MYBPC1: variants seen among roughly 807,000 people sequenced by gnomAD.
MYBPC1 encodes the protein myosin-binding protein C, slow-type.
A neutral mutation model predicts 147.1 loss-of-function variants in MYBPC1; 52 were observed. The ratio of observed to expected loss-of-function variants is 0.35; its 90% confidence interval spans 0.28 to 0.45. The LOEUF (loss-of-function observed/expected upper bound fraction) is 0.45. Ranked by LOEUF, MYBPC1 falls within the 20% of genes least tolerant of loss-of-function variation. The pLI is 1.00. For missense variants in MYBPC1, 1,228 were observed against 1,440.3 expected (o/e 0.85, Z 2.39); for synonymous variants, 477 against 475.9 (o/e 1.00, Z -0.03).
At chr12:101,666,908 C>T (rs983942140) in intron 22 of MYBPC1, 3 of 583,558 alleles carry the variant, frequency 5.1e-6, no homozygotes, top group Non-Finnish European at 9.5e-6. Flanking sequence ...CACACACACA[C>T]ACACACACAC....
Position 101,632,006 on chromosome 12 carries a change from T to C in MYBPC1, c.439-15T>C, listed in dbSNP as rs1476921971. 6.4e-7 allele frequency: 1 copy of C among 1,561,182 alleles called. No homozygotes were observed. ...ATAAACTGAAATGTGTGTGTCTGGA[T>C]GCATTTCATTGCAGGTGTACACATT... is the stretch of plus-strand genomic sequence containing the variant. On this transcript the variant is annotated splice_polypyrimidine_tract_variant and intron_variant, in intron 7 of 31. Coordinates refer to ENST00000361466, the MANE Select transcript of MYBPC1 (RefSeq NM_002465.4).
intron 2 of MYBPC1, chr12:101,614,740 G>A (rs1885430459): frequency 1.6e-6 from 1 of 609,876 alleles, no homozygotes; most frequent in East Asian, 2.8e-5. Flanking sequence ...AATTTGGATG[G>A]CACTTCATAT....
intron 1 of MYBPC1, among the ~76,000 whole-genome samples, chr12:101,595,737 T>C (rs907687698): frequency 1.3e-5 from 2 of 152,248 alleles, no homozygotes; most frequent in South Asian, 2.1e-4. Context: ...AGTTTTATTG[T>C]AGAGAATTTC....
At chr12:101,621,785 C>T (rs1039165973) in intron 3 of MYBPC1, among the ~76,000 whole-genome samples, 1 of 150,586 alleles carries the variant, frequency 6.6e-6, no homozygotes, top group African/African-American at 2.4e-5. Context: ...AGAATGTACA[C>T]ATTCTACTAT....
chr12:101,648,893 G>A (rs749894895), intron 14 of MYBPC1, among the ~76,000 whole-genome samples: 3 of 152,230 alleles, frequency 2.0e-5, no homozygotes, highest in Non-Finnish European at 2.9e-5. Context: ...AATTGGTACA[G>A]TGTAGATTGT....
chr12:101,619,366 C>T (rs531731609), intron 3 of MYBPC1, among the ~76,000 whole-genome samples: 1 of 152,258 alleles, frequency 6.6e-6, no homozygotes, highest in South Asian at 2.1e-4. Context: ...TCACTCTTGT[C>T]TCCACATAAT....
Position 101,629,557 on chromosome 12 carries a change from C to A in MYBPC1, c.289+13C>A. 6.4e-7 allele frequency: 1 copy of A among 1,570,296 alleles called. No homozygotes were observed. Among genetic ancestry groups the A allele is most frequent in the Non-Finnish European group, 8.8e-7 (1 of 1,140,634 alleles). On this transcript the variant is annotated intron_variant, in intron 6 of 31. Coordinates refer to ENST00000361466, the MANE Select transcript of MYBPC1 (RefSeq NM_002465.4). ...ACAGTGAAAGTTGGTGAGTGCCTAG[C>A]ATTCAATCCTTCCTTTTTTAAAAAA...
chr12:101,610,716 C>T (rs186669481), intron 1 of MYBPC1, among the ~76,000 whole-genome samples: 2 of 152,280 alleles, frequency 1.3e-5, no homozygotes, highest in African/African-American at 4.8e-5. Context: ...GGGAGGGCAA[C>T]ATCCATATGA....
At chr12:101,667,677 T>A (rs1330260178) in intron 22 of MYBPC1, 55 bp from the exon 23 acceptor site, 2 of 1,597,498 alleles carry the variant, frequency 1.3e-6, no homozygotes, top group Non-Finnish European at 1.7e-6. Context: ...GTTAAGATGA[T>A]TTTTTTCACT....
At chr12:101,662,955 C>G (rs1438394031) in intron 21 of MYBPC1, among the ~76,000 whole-genome samples, 1 of 152,082 alleles carries the variant, frequency 6.6e-6, no homozygotes, top group East Asian at 1.9e-4. Flanking sequence ...CACTTGGAAA[C>G]TGGTTTCTTT....
intron 20 of MYBPC1, 118 bp from the exon 21 acceptor site, chr12:101,662,240 A>G (rs1387699636): frequency 1.4e-5 from 11 of 806,510 alleles, no homozygotes; most frequent in South Asian, 3.1e-5. Flanking sequence ...ACATACATAT[A>G]TGACTATTTC....
Position 101,631,571 on chromosome 12 carries a change from G to A in MYBPC1, c.290G>A (p.Gly97Asp), listed in dbSNP as rs1565924470. 2 of 1,613,860 alleles carry A rather than the reference G, an allele frequency of 1.2e-6. No homozygotes were observed. Among genetic ancestry groups the A allele is most frequent in the Non-Finnish European group, 1.7e-6 (2 of 1,179,868 alleles). Reference protein sequence around the residue: ...EKPQGGTVKVGEDITFIAKVK... With the variant: ...EKPQGGTVKVDEDITFIAKVK... ...GCTGAATCCCTTATGCTTCTTCTAG[G>A]TGAAGATATCACCTTCATAGCCAAA... is the stretch of plus-strand genomic sequence containing the variant. Residue 97 changes from glycine to aspartate, a missense_variant and splice_region_variant, in exon 7 of 32, where the codon GGT becomes GAT. Physicochemically the swap from Gly to Asp is moderately conservative, Grantham distance 94. Around this residue, in one of 2 missense-constraint regions of MYBPC1, gnomAD observed 151 missense variants for 126.1 expected, o/e 1.20. Coordinates refer to ENST00000361466, the MANE Select transcript of MYBPC1 (RefSeq NM_002465.4).
At position 101,646,069 on chromosome 12, in the gene MYBPC1, C is replaced by T. The variant is rs1308876637; in HGVS notation, c.966-694C>T. On this transcript the variant is annotated intron_variant, in intron 12 of 31. Coordinates refer to ENST00000361466, the MANE Select transcript of MYBPC1 (RefSeq NM_002465.4). ...ATGGATAAGATCAAGTCTCTACCCA[C>T]CTATAAAGTACATGAATTGGTTAGT... Among the ~76,000 whole-genome samples, 3 of 152,094 alleles carry T rather than the reference C, an allele frequency of 2.0e-5. No individual in the cohort carries two copies. In the East Asian group the frequency reaches 5.8e-4, roughly 29 times the overall value.
intron 18 of MYBPC1, among the ~76,000 whole-genome samples, chr12:101,657,508 G>C (rs1016685907): frequency 6.6e-6 from 1 of 152,098 alleles, no homozygotes; most frequent in African/African-American, 2.4e-5. Context: ...ATGAAAGAGG[G>C]ACATTACTAC....
intron 2 of MYBPC1, among the ~76,000 whole-genome samples, chr12:101,616,933 T>C (rs989219266): frequency 1.3e-5 from 2 of 152,210 alleles, no homozygotes; most frequent in Admixed American, 1.3e-4. Context: ...CCAAGTATAG[T>C]TGAGTGCATT....
chr12:101,614,332 G>C (rs1029841892), intron 1 of MYBPC1, among the ~76,000 whole-genome samples, 164 bp from the exon 2 acceptor site: 1 of 152,118 alleles, frequency 6.6e-6, no homozygotes, highest in African/African-American at 2.4e-5. Context: ...GTGTGAGAGA[G>C]AGAGAGAGAG....
rs962860939 is a variant in MYBPC1 at position 101,614,379 on chromosome 12, T to C, written c.26-117T>C. On this transcript the variant is annotated intron_variant, in intron 1 of 31. Coordinates refer to ENST00000361466, the MANE Select transcript of MYBPC1 (RefSeq NM_002465.4). ...AATGTGTTTCCCTCCTCCATCCCTC[T>C]TGTGAGTACACACAGGTGAGATGGC... The C allele has an allele frequency of 5.8e-6, 6 of 1,041,200 alleles. No individual in the cohort carries two copies. The African/African-American group carries it at 9.4e-5, about 16-fold the overall frequency. The allele number at this position is 1,041,200 out of a possible 1,614,324, so 64.5% of individuals were successfully genotyped here.
At chr12:101,603,659 A>T (rs979273630) in intron 1 of MYBPC1, among the ~76,000 whole-genome samples, 1 of 152,120 alleles carries the variant, frequency 6.6e-6, no homozygotes, top group African/African-American at 2.4e-5. Flanking sequence ...AAGTGATACA[A>T]GATCAGGTAC....
At chr12:101,693,321 A>G in the MYBPC1 span, among the ~76,000 whole-genome samples, 1 of 152,194 alleles carries the variant, frequency 6.6e-6, no homozygotes, top group African/African-American at 2.4e-5. Flanking sequence ...CTATGTAGAT[A>G]TATAGTTACA....
Sources: gnomAD v4.1 joint callset for allele counts (sites outside exome capture counted in the v4.1 genomes callset) on GRCh38, gnomAD v4.1.1 for gene constraint, gnomAD v4.1.1 regional missense constraint, MANE v1.5 for transcripts, NCBI Gene and HGNC (gene_info 2026-07-23, HGNC 2026-07-21) for gene names.